Variants in SMARCE1 observed in about 807,000 individuals in gnomAD.
SMARCE1 encodes the protein SWI/SNF related BAF chromatin remodeling complex subunit E1, also known as SWI/SNF-related matrix-associated actin-dependent regulator of chromatin subfamily E member 1.
SMARCE1 carries 13 observed loss-of-function variants against 54.9 expected under a neutral mutation model. The observed-to-expected ratio is 0.24, with a 90% confidence interval of 0.15 to 0.38. The LOEUF is 0.38. Ranked by LOEUF, SMARCE1 falls within the 10% of genes least tolerant of loss-of-function variation. The pLI, the probability that SMARCE1 is intolerant of heterozygous loss-of-function variation, is 1.00. For synonymous variants in SMARCE1, 151 were observed against 175.3 expected, an observed-to-expected ratio of 0.86 and a Z score of 1.10; for missense variants, 295 against 523.8, an observed-to-expected ratio of 0.56 and a Z score of 4.26.
At chr17:40,630,523 A>C in intron 10 of SMARCE1, 191 bp downstream of exon 10, 1 of 639,196 alleles carries the variant, frequency 1.6e-6, no homozygotes, top group African/African-American at 1.8e-5. Context: ...AACGGTAATA[A>C]CCACATCTTG....
chr17:40,632,132 T>C, intron 8 of SMARCE1, 63 bp downstream of exon 8: 1 of 1,272,166 alleles, frequency 7.9e-7, no homozygotes, highest in Non-Finnish European at 1.1e-6. Flanking sequence ...GGTGTAGGAA[T>C]CATATCACCT....
At chr17:40,633,243 C>T (rs1423624555) in intron 7 of SMARCE1, 1 of 152,188 alleles carries the variant, frequency 6.6e-6, no homozygotes, top group African/African-American at 2.4e-5. Context: ...CTCCTGACCC[C>T]ATGTGATCTG....
In SMARCE1 at chr17:40,628,718, A is replaced by C; in HGVS notation, c.*67T>G. The stretch of plus-strand genomic sequence containing the variant: ...AAAATTAATACACAAACCACGTAAC[A>C]CCATTAAAACCAAAAAACATTTTTT... On this transcript the variant is annotated 3_prime_UTR_variant, in exon 11 of 11. Transcript: ENST00000348513. 7.6e-7 allele frequency: 1 copy of C among 1,311,308 alleles called. No homozygotes were observed. Among genetic ancestry groups the C allele is most frequent in the Non-Finnish European group, 1.1e-6 (1 of 916,530 alleles). 81.2% of individuals were successfully genotyped at this position (1,311,308 alleles called of 1,614,324 possible).
intron 4 of SMARCE1, chr17:40,640,848 T>C (rs2037192354): frequency 6.6e-6 from 1 of 152,208 alleles, no homozygotes; most frequent in East Asian, 1.9e-4. Flanking sequence ...GTTCAGTTCT[T>C]AACATTCGCC....
chr17:40,636,188 G>A (rs757607746), intron 6 of SMARCE1, 86 bp from the exon 7 acceptor site: 13 of 1,267,280 alleles, frequency 1.0e-5, no homozygotes, highest in Non-Finnish European at 1.4e-5. Flanking sequence ...AATATCAAAA[G>A]ATATGATGTA....
Position 40,628,578 on chromosome 17 carries a change from G to T in SMARCE1, c.*207C>A. The T allele has an allele frequency of 1.9e-6, 1 of 521,312 alleles. No individual in the cohort carries two copies. 32.3% of individuals were successfully genotyped at this position (521,312 alleles called of 1,614,324 possible). On this transcript the variant is annotated 3_prime_UTR_variant, in exon 11 of 11. Transcript: ENST00000348513. ...TTCAGCAGTTGAGGGCTAGAAACAAGATCCAAAGAAAAGAGCCATCTTCAC... is the reference window on the plus strand; with the variant it reads ...TTCAGCAGTTGAGGGCTAGAAACAATATCCAAAGAAAAGAGCCATCTTCAC...
rs1567847087 is a variant in SMARCE1, at chr17:40,636,047, T to A, written c.425A>T (p.Tyr142Phe). The A allele has an allele frequency of 6.2e-7, 1 of 1,613,754 alleles. No homozygotes were observed. The highest frequency in any genetic ancestry group is 8.5e-7 in the Non-Finnish European group (1 of 1,179,784). Residue 142 changes from tyrosine (Y) to phenylalanine (F), a missense_variant, in exon 7 of 11, where the codon TAC (tyrosine) becomes TTC (phenylalanine). Around this residue, in one of 5 missense-constraint regions of SMARCE1, gnomAD observed 101 missense variants for 183.1 expected, o/e 0.55. Transcript: ENST00000348513. Reference protein sequence around the residue: ...AYHNSPAYLAYINAKSRAEAA... With the variant: ...AYHNSPAYLAFINAKSRAEAA... Reference sequence around the variant, plus strand: ...TTCTGCACGACTTTTTGCATTTATGTAAGCAAGGTACGCGGGGGAATTATG... The same window carrying A: ...TTCTGCACGACTTTTTGCATTTATGAAAGCAAGGTACGCGGGGGAATTATG...
intron 10 of SMARCE1, 55 bp downstream of exon 10, chr17:40,630,659 A>G (rs1246215776): frequency 6.9e-7 from 1 of 1,448,356 alleles, no homozygotes; most frequent in African/African-American, 1.4e-5. Context: ...ACCTAAATTA[A>G]AGACAGCCGT....
intron 4 of SMARCE1, chr17:40,640,551 G>A (rs2037189247): frequency 6.6e-6 from 1 of 152,084 alleles, no homozygotes; most frequent in South Asian, 2.1e-4. Flanking sequence ...ACCCCCAAAA[G>A]TAATGCATAA....
At chr17:40,631,888 C>A in intron 8 of SMARCE1, 195 bp from the exon 9 acceptor site, 1 of 557,490 alleles carries the variant, frequency 1.8e-6, no homozygotes, top group Non-Finnish European at 3.2e-6. Flanking sequence ...TGTTTCAGGC[C>A]TGAGCAATTC....
chr17:40,636,622 C>G (rs1427676696), intron 5 of SMARCE1, 96 bp from the exon 6 acceptor site: 2 of 937,518 alleles, frequency 2.1e-6, no homozygotes, highest in African/African-American at 3.3e-5. Context: ...ACATACAAAG[C>G]AGAGAAAACA....
intron 10 of SMARCE1, chr17:40,629,206 A>G: frequency 1.8e-6 from 1 of 551,368 alleles, no homozygotes; most frequent in Non-Finnish European, 3.2e-6. Context: ...AATGAAATTT[A>G]TTAAATAAAT....
chr17:40,639,846 T>C (rs957805556), intron 4 of SMARCE1: 1 of 152,198 alleles, frequency 6.6e-6, no homozygotes, highest in African/African-American at 2.4e-5. Flanking sequence ...ACAACCACTG[T>C]TTTGCTGTGC....
In SMARCE1 at chr17:40,628,888, G is replaced by A. The variant is rs771281023; in HGVS notation, c.1133C>T (p.Ala378Val). ...GTTACTATCACTGGTTCCTTCCTCT[G>A]CCATACTGTCGACCCCCTCCTGCCC... ...ESGQEGVDSM[A>V]EEGTSDSNTG... The change falls in exon 11 of 11, where the codon GCA (alanine) becomes GTA (valine). Residue 378 changes from alanine to valine, a missense_variant. Transcript: ENST00000348513. 6.8e-6 allele frequency: 11 copies of A among 1,613,526 alleles called. No homozygotes were observed. The African/African-American group carries it at 1.5e-4, about 22-fold the overall frequency.
In SMARCE1 at chr17:40,635,948, G is replaced by A; in HGVS notation, c.524C>T (p.Pro175Leu). 6.3e-7 allele frequency: 1 copy of A among 1,583,014 alleles called. No homozygotes were observed. Among genetic ancestry groups the A allele is most frequent in the Non-Finnish European group, 8.6e-7 (1 of 1,166,626 alleles). ...EKGEPYMSIQPAEDPDDYDDG... is the reference protein window; with the variant it reads ...EKGEPYMSIQLAEDPDDYDDG... ...TCTTTTACCATCTGGATCTTCAGCA[G>A]GCTGAATGCTCATGTACGGTTCTCC... is the stretch of plus-strand genomic sequence containing the variant. The change falls in exon 7 of 11, where the codon CCT (proline) becomes CTT (leucine). Residue 175 changes from proline to leucine, a missense_variant. Coordinates refer to ENST00000348513, the MANE Select transcript of SMARCE1 (RefSeq NM_003079.5).
rs926707913 is a variant in SMARCE1 at position 40,625,406 on chromosome 17, T to C, written c.*3379A>G. On this transcript the variant is annotated 3_prime_UTR_variant, in exon 11 of 11. Transcript: ENST00000348513. Reference sequence around the variant, plus strand: ...ACGTTAAGCCCTCCAAATGTGCAAATCATGAAGTCAGTTGTTGTTCCAGCA... The same window carrying C: ...ACGTTAAGCCCTCCAAATGTGCAAACCATGAAGTCAGTTGTTGTTCCAGCA... 9 of 152,216 alleles carry C rather than the reference T, an allele frequency of 5.9e-5. No homozygotes were observed. Among genetic ancestry groups the C allele is most frequent in the African/African-American group, 2.2e-4 (9 of 41,450 alleles). 9.4% of individuals were successfully genotyped at this position (152,216 alleles called of 1,614,324 possible).
At chr17:40,633,817 CT>C in intron 7 of SMARCE1, 1 of 152,264 alleles carries the variant, frequency 6.6e-6, no homozygotes, top group South Asian at 2.1e-4. Context: ...AACCTTTCTA[CT>C]TTTTAAGAGT....
rs1260602141 is a variant in SMARCE1 at position 40,627,458 on chromosome 17, CCTTTA to C, written c.*1322_*1326del. The C allele has an allele frequency of 1.3e-5, 2 of 152,136 alleles. No individual in the cohort carries two copies. Among genetic ancestry groups the C allele is most frequent in the African/African-American group, 4.8e-5 (2 of 41,420 alleles). The allele number at this position is 152,136 out of a possible 1,614,324, so 9.4% of individuals were successfully genotyped here. On this transcript the variant is annotated 3_prime_UTR_variant, in exon 11 of 11. Coordinates refer to ENST00000348513, the MANE Select transcript of SMARCE1 (RefSeq NM_003079.5). ...TTCCTGTTAATGTAGAAACATATTC[CCTTTA>C]CTTTTGGAATCAAAGACCAACTTCC...
chr17:40,642,656 C>A lies in SMARCE1; in HGVS notation c.52-97G>T. The A allele has an allele frequency of 1.4e-6, 1 of 708,596 alleles. No individual in the cohort carries two copies. The highest frequency in any genetic ancestry group is 2.5e-6 in the Non-Finnish European group (1 of 406,656). The allele number at this position is 708,596 out of a possible 1,614,324, so 43.9% of individuals were successfully genotyped here. Reference sequence around the variant, plus strand: ...ATGATCTGCATATGGCATGCAAAAGCAACCTGAATTTAAACAAGCAATGAT... The same window carrying A: ...ATGATCTGCATATGGCATGCAAAAGAAACCTGAATTTAAACAAGCAATGAT... On this transcript the variant is annotated intron_variant, in intron 3 of 10. Transcript: ENST00000348513. This position sits in a 1 kb window ranked among gnomAD's most constrained non-coding sequence, Gnocchi z 4.6.
Sources: gnomAD v4.1 joint callset for allele counts on GRCh38, gnomAD v4.1.1 for gene constraint, gnomAD v4.1.1 regional missense constraint, Gnocchi (gnomAD v3.1) non-coding constraint, MANE v1.5 for transcripts, NCBI Gene and HGNC (gene_info 2026-07-23, HGNC 2026-07-21) for gene names.